Variants in MARCHF1 observed in about 807,000 individuals in gnomAD.
The protein encoded by MARCHF1 is membrane associated ring-CH-type finger 1, also known as E3 ubiquitin-protein ligase MARCHF1.
In MARCHF1, 40 loss-of-function variants were observed where a neutral mutation model predicts 54.2. That is an observed-to-expected ratio of 0.74 (90% CI 0.57 to 0.96). MARCHF1 has a LOEUF of 0.96. Ranked by LOEUF, MARCHF1 falls within the 40% of genes least tolerant of loss-of-function variation. The pLI, the probability that MARCHF1 is intolerant of heterozygous loss-of-function variation, is 0.00. For missense variants in MARCHF1, 586 were observed against 656.5 expected, an observed-to-expected ratio of 0.89 and a Z score of 1.17; for synonymous variants, 236 against 236.3, an observed-to-expected ratio of 1.00 and a Z score of 0.01.
chr4:163,758,089 T>C (rs1746730131), intron 4 of MARCHF1, among the ~76,000 whole-genome samples: 1 of 152,230 alleles, frequency 6.6e-6, no homozygotes, highest in Non-Finnish European at 1.5e-5. Context: ...AGTTTCCTTT[T>C]CTACCTGTTT....
At chr4:163,557,178 G>T (rs1405690480) in intron 8 of MARCHF1, among the ~76,000 whole-genome samples, 1 of 152,110 alleles carries the variant, frequency 6.6e-6, no homozygotes, top group Non-Finnish European at 1.5e-5. Flanking sequence ...AAATGACTTT[G>T]CAACCACAAC....
chr4:164,012,725 G>A (rs1370860607), intron 2 of MARCHF1, among the ~76,000 whole-genome samples: 1 of 152,186 alleles, frequency 6.6e-6, no homozygotes, highest in African/African-American at 2.4e-5. Context: ...AAAAGAAAGT[G>A]AGAGACTTTG....
intron 3 of MARCHF1, among the ~76,000 whole-genome samples, chr4:163,856,310 A>C (rs1749766374): frequency 6.6e-6 from 1 of 152,252 alleles, no homozygotes; most frequent in African/African-American, 2.4e-5. Context: ...GTTAAAATAC[A>C]TACTTTTAAT....
chr4:164,213,246 T>C (rs1579628311), intron 1 of MARCHF1, among the ~76,000 whole-genome samples: 1 of 131,448 alleles, frequency 7.6e-6, no homozygotes, highest in Non-Finnish European at 1.6e-5. Flanking sequence ...ATTATTATTA[T>C]TATTTGAGAT....
intron 1 of MARCHF1, among the ~76,000 whole-genome samples, chr4:164,146,549 C>G (rs532992055): frequency 6.6e-6 from 1 of 152,056 alleles, no homozygotes; most frequent in African/African-American, 2.4e-5. Context: ...CTTTGACAAA[C>G]CTGAGAAAAA....
At chr4:163,681,555 C>A (rs1024455489) in intron 5 of MARCHF1, among the ~76,000 whole-genome samples, 1 of 152,088 alleles carries the variant, frequency 6.6e-6, no homozygotes, top group African/African-American at 2.4e-5. Context: ...GGGTGGTTAC[C>A]CCCATGCTGC....
intron 2 of MARCHF1, among the ~76,000 whole-genome samples, chr4:164,067,017 A>C (rs1368861371): frequency 8.0e-6 from 1 of 125,496 alleles, no homozygotes; most frequent in East Asian, 2.1e-4. Flanking sequence ...CTCTGAACTT[A>C]AAAAAAAAAG....
chr4:163,860,898 T>C (rs1415909194), intron 3 of MARCHF1, among the ~76,000 whole-genome samples: 2 of 152,302 alleles, frequency 1.3e-5, no homozygotes, highest in South Asian at 2.1e-4. Flanking sequence ...TGATGTATCA[T>C]GTTTGGCTTT....
chr4:164,193,617 T>C (rs960225096), intron 1 of MARCHF1, among the ~76,000 whole-genome samples: 2 of 152,154 alleles, frequency 1.3e-5, no homozygotes, highest in Admixed American at 6.5e-5. Context: ...CGCCTGGGCA[T>C]TGACAATCCA....
At chr4:163,693,529 T>C (rs1744526867) in intron 5 of MARCHF1, among the ~76,000 whole-genome samples, 1 of 151,290 alleles carries the variant, frequency 6.6e-6, no homozygotes, top group Admixed American at 6.6e-5. Flanking sequence ...CTACTAGAGG[T>C]ACCATGATAA....
At chr4:163,895,026 T>C (rs892922872) in intron 3 of MARCHF1, among the ~76,000 whole-genome samples, 33 of 151,608 alleles carry the variant, frequency 2.2e-4, no homozygotes, top group African/African-American at 8.0e-4. Flanking sequence ...CACATATGCA[T>C]GTGATGCACA....
chr4:164,114,222 A>G (rs1211888828), intron 1 of MARCHF1, among the ~76,000 whole-genome samples: 2 of 152,016 alleles, frequency 1.3e-5, no homozygotes, highest in Non-Finnish European at 2.9e-5. Flanking sequence ...CAACTAATCT[A>G]TTGTTATATG....
intron 5 of MARCHF1, among the ~76,000 whole-genome samples, chr4:163,632,830 C>A (rs1038316426): frequency 6.6e-6 from 1 of 152,244 alleles, no homozygotes; most frequent in African/African-American, 2.4e-5. Flanking sequence ...GTAACCTCTG[C>A]AGACTTAAAT....
chr4:163,946,997 C>A (rs1387262303), intron 3 of MARCHF1, among the ~76,000 whole-genome samples: 1 of 152,008 alleles, frequency 6.6e-6, no homozygotes, highest in Non-Finnish European at 1.5e-5. Flanking sequence ...AAGTAGGCAG[C>A]ACTTACCTTT....
chr4:163,981,293 C>G lies in MARCHF1; in HGVS notation c.-39+7208G>C, dbSNP rs371823783. Among the ~76,000 whole-genome samples, 3 of 152,334 alleles carry G rather than the reference C, an allele frequency of 2.0e-5. No homozygotes were observed. The East Asian group carries it at 5.8e-4, about 29-fold the overall frequency. ...AAGTCCACATCATTTGCCTGCTTCA[C>G]TTTCGTTATCCAGATTTGCACAATT... On this transcript the variant is annotated intron_variant, in intron 3 of 9. Coordinates refer to ENST00000514618, the MANE Select transcript of MARCHF1 (RefSeq NM_001394959.1).
intron 5 of MARCHF1, among the ~76,000 whole-genome samples, chr4:163,621,193 T>C (rs999930465): frequency 1.9e-4 from 29 of 152,192 alleles, no homozygotes; most frequent in African/African-American, 6.5e-4. Flanking sequence ...TAATTCTCAG[T>C]ATGTCATTTT....
intron 1 of MARCHF1, among the ~76,000 whole-genome samples, chr4:164,152,697 A>T (rs1238885601): frequency 6.6e-6 from 1 of 152,094 alleles, no homozygotes; most frequent in African/African-American, 2.4e-5. Flanking sequence ...TCGATAAAAA[A>T]CAATTTACAA....
chr4:164,089,357 A>T (rs958029664), intron 2 of MARCHF1, among the ~76,000 whole-genome samples: 2 of 152,178 alleles, frequency 1.3e-5, no homozygotes, highest in African/African-American at 4.8e-5. Context: ...TACCAATTAG[A>T]TATAATTTCT....
At chr4:163,959,712 T>C (rs1254521436) in intron 3 of MARCHF1, among the ~76,000 whole-genome samples, 1 of 151,682 alleles carries the variant, frequency 6.6e-6, no homozygotes, top group Non-Finnish European at 1.5e-5. Flanking sequence ...TATAAAAACC[T>C]TGAAAGACAA....
Sources: gnomAD v4.1 joint callset for allele counts (sites outside exome capture counted in the v4.1 genomes callset) on GRCh38, gnomAD v4.1.1 for gene constraint, MANE v1.5 for transcripts, NCBI Gene and HGNC (gene_info 2026-07-23, HGNC 2026-07-21) for gene names.